TMEM132C: variants seen among roughly 807,000 people sequenced by gnomAD.
TMEM132C encodes the protein protein phosphatase 1, regulatory subunit 152.
In TMEM132C, 29 loss-of-function variants were observed where a neutral mutation model predicts 61.4. The observed-to-expected ratio is 0.47, with a 90% CI of 0.35 to 0.64. The LOEUF (loss-of-function observed/expected upper bound fraction) is 0.64. Among genes scored for constraint, TMEM132C ranks in the 30% least tolerant of loss-of-function variants. The pLI is 0.00. For synonymous variants in TMEM132C, 656 were observed against 633.1 expected, an observed-to-expected ratio of 1.04 and a Z score of -0.54; for missense variants, 1,408 against 1,476.9, an observed-to-expected ratio of 0.95 and a Z score of 0.76.
At chr12:128,685,777 G>C (rs1954668909) in intron 5 of TMEM132C, among the ~76,000 whole-genome samples, 2 of 152,142 alleles carry the variant, frequency 1.3e-5, no homozygotes, top group South Asian at 4.1e-4. Context: ...AATCCTGACT[G>C]ATGACTACCA....
chr12:128,462,372 A>C (rs1365782242), intron 2 of TMEM132C, among the ~76,000 whole-genome samples: 1 of 152,112 alleles, frequency 6.6e-6, no homozygotes. Flanking sequence ...CTCCCAAAGT[A>C]AAGGTGGAAT....
chr12:128,310,399 G>C (rs1871929725), intron 1 of TMEM132C, among the ~76,000 whole-genome samples: 1 of 152,128 alleles, frequency 6.6e-6, no homozygotes, highest in Non-Finnish European at 1.5e-5. Flanking sequence ...TGGTTCTGCA[G>C]GCTGTACAGG....
intron 8 of TMEM132C, among the ~76,000 whole-genome samples, chr12:128,701,580 G>A (rs1954803989): frequency 6.6e-6 from 1 of 152,212 alleles, no homozygotes; most frequent in Non-Finnish European, 1.5e-5. Context: ...CATCATTGCT[G>A]TGAACACTGG....
chr12:128,362,624 A>G (rs1389691278), intron 1 of TMEM132C, among the ~76,000 whole-genome samples: 4 of 152,214 alleles, frequency 2.6e-5, no homozygotes, highest in African/African-American at 9.7e-5. Flanking sequence ...ATATCAGTTG[A>G]ACATCCCAAT....
At chr12:128,398,845 C>G (rs1377584092) in intron 1 of TMEM132C, among the ~76,000 whole-genome samples, 1 of 146,500 alleles carries the variant, frequency 6.8e-6, no homozygotes, top group African/African-American at 2.8e-5. Flanking sequence ...ATCCAGGTGT[C>G]ACAAGGATAA....
At chr12:128,669,369 A>T (rs1354703579) in intron 4 of TMEM132C, 48 bp from the exon 5 acceptor site, 1 of 1,545,710 alleles carries the variant, frequency 6.5e-7, no homozygotes, top group Non-Finnish European at 8.7e-7. Context: ...AGTTCCCAAC[A>T]GAATGGAATA....
At chr12:128,305,374 A>G (rs1341135573) in intron 1 of TMEM132C, among the ~76,000 whole-genome samples, 2 of 152,144 alleles carry the variant, frequency 1.3e-5, no homozygotes, top group Admixed American at 6.5e-5. Context: ...TTATCTTGAT[A>G]CTACTCCCAT....
At chr12:128,376,010 C>G (rs573299563) in intron 1 of TMEM132C, among the ~76,000 whole-genome samples, 7 of 152,172 alleles carry the variant, frequency 4.6e-5, no homozygotes, top group Non-Finnish European at 1.0e-4. Flanking sequence ...AGGCTGCCTG[C>G]GGTGGGAAGC....
chr12:128,349,380 C>T (rs1873269150), intron 1 of TMEM132C, among the ~76,000 whole-genome samples: 1 of 152,176 alleles, frequency 6.6e-6, no homozygotes, highest in South Asian at 2.1e-4. Context: ...GCCAGGTGAG[C>T]ATGAGTGGCC....
chr12:128,444,483 G>A (rs1030138988), intron 2 of TMEM132C, among the ~76,000 whole-genome samples: 1 of 152,190 alleles, frequency 6.6e-6, no homozygotes, highest in African/African-American at 2.4e-5. Context: ...ATGTTTGCAG[G>A]CAGGGAGGGA....
rs1472228844 is a variant in TMEM132C at position 128,705,630 on chromosome 12, A to C, written c.2662A>C (p.Ile888Leu). The C allele has an allele frequency of 1.9e-6, 3 of 1,550,862 alleles. No individual in the cohort carries two copies. The highest frequency in any genetic ancestry group is 2.6e-6 in the Non-Finnish European group (3 of 1,146,990). The part of the protein sequence containing the change: ...RLAGEGQLQN[I>L]PIDFTNFPAH... ...GGCAGGAGAGGGGCAGCTGCAGAAC[A>C]TCCCCATTGACTTCACCAACTTCCC... The change falls in exon 9 of 9, where the codon ATC (isoleucine) becomes CTC (leucine). Residue 888 changes from isoleucine to leucine, a missense_variant. By Grantham distance (5) the Ile-to-Leu change is conservative (BLOSUM62 2). Transcript: ENST00000435159.
chr12:128,702,881 T>A (rs536597692), intron 8 of TMEM132C, among the ~76,000 whole-genome samples: 1 of 152,244 alleles, frequency 6.6e-6, no homozygotes, highest in East Asian at 1.9e-4. Context: ...CCGGGATGGA[T>A]GGGGACAAAG....
intron 1 of TMEM132C, among the ~76,000 whole-genome samples, chr12:128,286,024 T>C (rs1342294408): frequency 6.8e-6 from 1 of 145,990 alleles, no homozygotes; most frequent in African/African-American, 2.6e-5. Context: ...TCTCTCCCTT[T>C]CTCTCTTTCT....
intron 3 of TMEM132C, among the ~76,000 whole-genome samples, chr12:128,615,574 T>C (rs12164836): frequency 0.01 from 1,528 of 152,208 alleles, 30 homozygotes; most frequent in African/African-American, 0.034. Context: ...CAGTTCACAA[T>C]ACAGTTCATG....
At chr12:128,642,271 A>G (rs1021344050) in intron 4 of TMEM132C, among the ~76,000 whole-genome samples, 1 of 152,026 alleles carries the variant, frequency 6.6e-6, no homozygotes, top group African/African-American at 2.4e-5. Context: ...AGCTGGGACT[A>G]CAGGTGTGTG....
intron 3 of TMEM132C, among the ~76,000 whole-genome samples, chr12:128,608,066 C>T (rs894597922): frequency 6.6e-6 from 1 of 152,168 alleles, no homozygotes; most frequent in African/African-American, 2.4e-5. Flanking sequence ...AAAGTCTCAT[C>T]ACTCACCTGG....
chr12:128,639,725 G>A (rs1366535217), intron 4 of TMEM132C, among the ~76,000 whole-genome samples: 1 of 152,150 alleles, frequency 6.6e-6, no homozygotes, highest in East Asian at 1.9e-4. Flanking sequence ...CTGTTCACCT[G>A]AAACTGAGGA....
chr12:128,334,926 G>A (rs1359965065), intron 1 of TMEM132C, among the ~76,000 whole-genome samples: 1 of 152,142 alleles, frequency 6.6e-6, no homozygotes, highest in African/African-American at 2.4e-5. Context: ...ACATAGCTAA[G>A]GCTATAAATT....
At chr12:128,629,805 A>G (rs1422564815) in intron 4 of TMEM132C, among the ~76,000 whole-genome samples, 1 of 152,118 alleles carries the variant, frequency 6.6e-6, no homozygotes, top group Non-Finnish European at 1.5e-5. Context: ...GTCTCTACTA[A>G]AAATACAAAA....
Sources: gnomAD v4.1 joint callset for allele counts (sites outside exome capture counted in the v4.1 genomes callset) on GRCh38, gnomAD v4.1.1 for gene constraint, MANE v1.5 for transcripts, NCBI Gene and HGNC (gene_info 2026-07-23, HGNC 2026-07-21) for gene names.